The following KIF2A variants were observed in gnomAD, a reference collection of about 807,000 sequenced individuals.
The protein encoded by KIF2A is kinesin-like protein KIF2A.
KIF2A carries 22 observed loss-of-function variants against 100.2 expected under a neutral mutation model. The ratio of observed to expected loss-of-function variants is 0.22; its 90% CI spans 0.16 to 0.31. KIF2A has a LOEUF of 0.31. Among genes scored for constraint, KIF2A ranks in the 10% least tolerant of loss-of-function variants. The pLI is 1.00. For synonymous variants in KIF2A, 268 were observed against 285.9 expected (o/e 0.94, Z 0.63); for missense variants, 495 against 898.7 (o/e 0.55, Z 5.74).
At position 62,363,168 on chromosome 5, in the gene KIF2A, T is replaced by C. The variant is rs775358234; in HGVS notation, c.1120-10T>C. On this transcript the variant is annotated splice_polypyrimidine_tract_variant and intron_variant, in intron 12 of 20. Coordinates refer to ENST00000407818, the MANE Select transcript of KIF2A (RefSeq NM_001098511.3). ...AGCTAGTTTTCTAATTTGAATATGG[T>C]TTTTCATAGGTGTTTGACTTGCTAA... 4 of 1,591,300 alleles carry C rather than the reference T, an allele frequency of 2.5e-6. No individual in the cohort carries two copies. The highest frequency in any genetic ancestry group is 1.8e-5 in the Admixed American group (1 of 55,578).
At chr5:62,359,071 T>C (rs1206037207) in intron 9 of KIF2A, among the ~76,000 whole-genome samples, 1 of 152,248 alleles carries the variant, frequency 6.6e-6, no homozygotes, top group African/African-American at 2.4e-5. Context: ...TATTTAAATT[T>C]GTCATCTTTA....
At chr5:62,372,664 C>A (rs1469747462) in intron 17 of KIF2A, 113 bp downstream of exon 17, 3 of 610,388 alleles carry the variant, frequency 4.9e-6, no homozygotes, top group East Asian at 5.8e-5. Flanking sequence ...TTTTCATTGT[C>A]ATTTCATTTG....
chr5:62,319,160 T>TAACAACAACAACAAC (rs35093486), intron 1 of KIF2A, among the ~76,000 whole-genome samples: 1 of 149,692 alleles, frequency 6.7e-6, no homozygotes, highest in African/African-American at 2.5e-5. Context: ...GTAATTTGGT[T>TAACAACAACAACAAC]AACAACAACA....
chr5:62,325,137 T>C (rs1040835965), intron 1 of KIF2A, among the ~76,000 whole-genome samples: 1 of 152,162 alleles, frequency 6.6e-6, no homozygotes, highest in African/African-American at 2.4e-5. Flanking sequence ...TTTCTTTTCT[T>C]TTTTTGAGAC....
intron 16 of KIF2A, among the ~76,000 whole-genome samples, chr5:62,370,109 A>C (rs918389468): frequency 2.0e-5 from 3 of 152,210 alleles, no homozygotes; most frequent in Admixed American, 1.3e-4. Context: ...TTTAGTGAGC[A>C]GTTCTGTCTA....
At chr5:62,308,421 C>T in intron 1 of KIF2A, 3 of 1,196,778 alleles carry the variant, frequency 2.5e-6, no homozygotes, top group Non-Finnish European at 3.6e-6. Context: ...GAGGAAATCA[C>T]CACCTTGTGA....
chr5:62,377,299 A>G (rs1280875586), intron 18 of KIF2A, among the ~76,000 whole-genome samples: 1 of 152,224 alleles, frequency 6.6e-6, no homozygotes, highest in East Asian at 1.9e-4. Flanking sequence ...TTAAATTGTT[A>G]GTGAAAAGTA....
At chr5:62,368,433 A>G (rs1288319366) in intron 16 of KIF2A, among the ~76,000 whole-genome samples, 4 of 152,124 alleles carry the variant, frequency 2.6e-5, no homozygotes, top group African/African-American at 7.2e-5. Context: ...GACAATATCA[A>G]CCTATTGAGC....
At chr5:62,346,121 TG>T (rs1249201393) in intron 1 of KIF2A, among the ~76,000 whole-genome samples, 3 of 151,952 alleles carry the variant, frequency 2.0e-5, no homozygotes, top group African/African-American at 7.3e-5. Flanking sequence ...ATAAACATAA[TG>T]AAATATTATG....
chr5:62,326,020 A>T (rs1746357883), intron 1 of KIF2A, among the ~76,000 whole-genome samples: 1 of 152,124 alleles, frequency 6.6e-6, no homozygotes, highest in African/African-American at 2.4e-5. Flanking sequence ...GCTGTTGGGT[A>T]CTCTGCTCAC....
intron 1 of KIF2A, chr5:62,306,854 C>G (rs879763961): frequency 7.1e-5 from 26 of 364,644 alleles, no homozygotes; most frequent in Middle Eastern, 1.4e-3. Flanking sequence ...TCCAGCCCCC[C>G]CCCGGGGACA....
At chr5:62,374,258 G>A (rs1000344441) in intron 18 of KIF2A, among the ~76,000 whole-genome samples, 1 of 152,150 alleles carries the variant, frequency 6.6e-6, no homozygotes, top group Non-Finnish European at 1.5e-5. Context: ...ACTACAGCCT[G>A]TGGGCCAGCC....
chr5:62,358,867 C>T (rs888626301), intron 9 of KIF2A, among the ~76,000 whole-genome samples: 6 of 152,108 alleles, frequency 3.9e-5, no homozygotes, highest in African/African-American at 9.7e-5. Context: ...GTTGAGGTTT[C>T]GCCATGTTGC....
intron 20 of KIF2A, among the ~76,000 whole-genome samples, chr5:62,383,494 C>T (rs1252249155): frequency 2.0e-5 from 3 of 152,048 alleles, no homozygotes; most frequent in Non-Finnish European, 4.4e-5. Flanking sequence ...CCGCCCATCT[C>T]GGCCTCCGAA....
At chr5:62,379,015 C>A (rs780579809) in intron 19 of KIF2A, among the ~76,000 whole-genome samples, 5 of 152,154 alleles carry the variant, frequency 3.3e-5, no homozygotes, top group Non-Finnish European at 5.9e-5. Context: ...AAATTACACA[C>A]CTGTAATCCC....
At chr5:62,343,834 G>A (rs946408506) in intron 1 of KIF2A, among the ~76,000 whole-genome samples, 4 of 152,160 alleles carry the variant, frequency 2.6e-5, no homozygotes, top group Non-Finnish European at 2.9e-5. Context: ...AAGCTCCCTA[G>A]GAGTTTCTGG....
In KIF2A at chr5:62,347,063, AT is replaced by A. The variant is rs1033533282; in HGVS notation, c.65-64del. The A allele has an allele frequency of 4.3e-5, 35 of 805,802 alleles. No homozygotes were observed. The African/African-American group carries it at 5.9e-4, about 14-fold the overall frequency. The allele number at this position is 805,802 out of a possible 1,614,324, so 49.9% of individuals were successfully genotyped here. A position where few individuals can be genotyped will look rare whatever the true frequency, so the allele number is the denominator to read the frequency against. ...TTTAATTTCCAAGTTATAAAATTGT[AT>A]TTCACAGTGTTTAGGAATGCCATAA... On this transcript the variant is annotated intron_variant, in intron 1 of 20. Coordinates refer to ENST00000407818, the MANE Select transcript of KIF2A (RefSeq NM_001098511.3).
At chr5:62,347,991 A>G in intron 2 of KIF2A, 57 bp from the exon 3 acceptor site, 2 of 1,557,460 alleles carry the variant, frequency 1.3e-6, no homozygotes, top group South Asian at 2.3e-5. Flanking sequence ...CTTGAAAAGT[A>G]AAAGGTTAAT....
chr5:62,353,157 C>T, intron 5 of KIF2A, 118 bp from the exon 6 acceptor site: 1 of 536,738 alleles, frequency 1.9e-6, no homozygotes. Context: ...TTGTTATAGG[C>T]ATGCTTTGTC....
Sources: gnomAD v4.1 joint callset for allele counts (sites outside exome capture counted in the v4.1 genomes callset) on GRCh38, gnomAD v4.1.1 for gene constraint, MANE v1.5 for transcripts, NCBI Gene and HGNC (gene_info 2026-07-23, HGNC 2026-07-21) for gene names.